The following HEATR4 variants were observed in gnomAD, a reference collection of about 807,000 sequenced individuals.
HEATR4 encodes the protein HEAT repeat-containing protein 4.
HEATR4 carries 95 observed loss-of-function variants against 108.8 expected under a neutral mutation model. The observed-to-expected ratio is 0.87, with a 90% CI of 0.74 to 1.04. The LOEUF is 1.04. HEATR4 is among the 50% of genes least tolerant of loss of function. The pLI, the probability that HEATR4 is intolerant of heterozygous loss-of-function variation, is 0.00. For missense variants in HEATR4, 1,152 were observed against 1,253.8 expected, an observed-to-expected ratio of 0.92 and a Z score of 1.23; for synonymous variants, 443 against 459.4, an observed-to-expected ratio of 0.96 and a Z score of 0.46.
chr14:73,529,818 A>G (rs1409530774), intron 2 of HEATR4, among the ~76,000 whole-genome samples: 1 of 151,538 alleles, frequency 6.6e-6, no homozygotes, highest in African/African-American at 2.4e-5. Flanking sequence ...CTAAAAAGCA[A>G]TAAGCCTTAG....
the HEATR4 span, among the ~76,000 whole-genome samples, chr14:73,589,573 C>T: frequency 6.6e-6 from 1 of 152,158 alleles, no homozygotes; most frequent in African/African-American, 2.4e-5. Context: ...CCCAACTCGG[C>T]CTCCCACAGC....
At chr14:73,481,644 A>G (rs1470503842) in intron 17 of HEATR4, among the ~76,000 whole-genome samples, 1 of 151,782 alleles carries the variant, frequency 6.6e-6, no homozygotes, top group African/African-American at 2.4e-5. Flanking sequence ...GATCGAGACC[A>G]TCCTGGCTAA....
chr14:73,485,371 C>G (rs1297461833), intron 17 of HEATR4, among the ~76,000 whole-genome samples: 2 of 150,558 alleles, frequency 1.3e-5, no homozygotes, highest in African/African-American at 4.9e-5. Context: ...CAACAACCAT[C>G]TATGTGTAAA....
At chr14:73,628,676 C>T in the HEATR4 span, among the ~76,000 whole-genome samples, 1 of 151,654 alleles carries the variant, frequency 6.6e-6, no homozygotes, top group South Asian at 2.1e-4. Context: ...TCACTTGAAC[C>T]CGGGAGGTGG....
At chr14:73,590,053 C>T in the HEATR4 span, among the ~76,000 whole-genome samples, 3 of 152,128 alleles carry the variant, frequency 2.0e-5, no homozygotes, top group African/African-American at 7.2e-5. Context: ...ACCTTTATTA[C>T]AAAACTAAAT....
At chr14:73,542,913 C>G in intron 1 of HEATR4, 1 of 939,578 alleles carries the variant, frequency 1.1e-6, no homozygotes, top group South Asian at 1.8e-5. Flanking sequence ...AGGTAAATTC[C>G]CAAAGCTGCA....
the HEATR4 span, among the ~76,000 whole-genome samples, chr14:73,578,308 C>T: frequency 6.7e-6 from 1 of 148,934 alleles, no homozygotes; most frequent in Non-Finnish European, 1.5e-5. Flanking sequence ...CGGCTCACTA[C>T]AGTCTTGATC....
chr14:73,620,660 C>T, the HEATR4 span, among the ~76,000 whole-genome samples: 12 of 152,006 alleles, frequency 7.9e-5, no homozygotes, highest in Non-Finnish European at 1.8e-4. Context: ...CTCCGCCTCC[C>T]AGGTTCAAGC....
the HEATR4 span, chr14:73,593,869 G>A: frequency 1.7e-5 from 28 of 1,613,524 alleles, no homozygotes; most frequent in African/African-American, 5.3e-5. Context: ...GGAGTACTTC[G>A]AAGAAGCCGT....
chr14:73,506,384 A>AT, intron 10 of HEATR4, 83 bp downstream of exon 10: 1 of 906,764 alleles, frequency 1.1e-6, no homozygotes, highest in Non-Finnish European at 1.8e-6. Flanking sequence ...GAATGGAATA[A>AT]TACATAGCAG....
intron 17 of HEATR4, among the ~76,000 whole-genome samples, chr14:73,489,234 CT>C (rs772195698): frequency 2.0e-5 from 3 of 152,200 alleles, no homozygotes; most frequent in Admixed American, 1.3e-4. Flanking sequence ...CCCTAGCCCC[CT>C]ATATGACATT....
chr14:73,553,025 C>T (rs1889346264), intron 1 of HEATR4, among the ~76,000 whole-genome samples: 1 of 115,080 alleles, frequency 8.7e-6, no homozygotes, highest in Non-Finnish European at 1.9e-5. Context: ...GGCCTGGCCA[C>T]CTTGTCTCGC....
At chr14:73,564,950 C>CT in the HEATR4 span, among the ~76,000 whole-genome samples, 1 of 151,836 alleles carries the variant, frequency 6.6e-6, no homozygotes, top group Non-Finnish European at 1.5e-5. Context: ...CTCTAACCTG[C>CT]TTTTTTCATC....
Position 73,553,508 on chromosome 14 carries a change from C to T in HEATR4, c.-152+5243G>A. 1.8e-5 allele frequency among the ~76,000 whole-genome samples: 2 copies of T among 113,010 alleles called. 1 individual carries two copies. The allele number at this position is 113,010 out of a possible 152,430, so 74.1% of individuals were successfully genotyped here. A position where few individuals can be genotyped will look rare whatever the true frequency, so the allele number is the denominator to read the frequency against. ...CCTAGGCAACTGAACAGGACTAGAT[C>T]TCCAAAAAAAATTAAAATAAAAAAG... On this transcript the variant is annotated intron_variant, in intron 1 of 17. Coordinates refer to ENST00000553558, the MANE Select transcript of HEATR4 (RefSeq NM_001220484.1).
chr14:73,571,493 G>A, the HEATR4 span: 1 of 152,154 alleles, frequency 6.6e-6, no homozygotes, highest in African/African-American at 2.4e-5. Flanking sequence ...CTAGGGAAAA[G>A]CCTGGGCTTC....
At position 73,522,713 on chromosome 14, in the gene HEATR4, T is replaced by G. The variant is rs753869255; in HGVS notation, c.440A>C (p.Lys147Thr). 38 of 1,614,128 alleles carry G rather than the reference T, an allele frequency of 2.4e-5. No individual in the cohort carries two copies. The highest frequency in any genetic ancestry group is 1.6e-5 in the Non-Finnish European group (19 of 1,180,044). Residue 147 changes from lysine to threonine, a missense_variant, in exon 3 of 18, where the codon AAG (lysine) becomes ACG (threonine). Transcript: ENST00000553558. ...GCTGGCTGGCTTTGATTTCTTCAGCTTCTTTTCGGGATTGGCAGAGCTTTC... is the reference window on the plus strand; with the variant it reads ...GCTGGCTGGCTTTGATTTCTTCAGCGTCTTTTCGGGATTGGCAGAGCTTTC... Reference protein sequence around the residue: ...KTESSANPEKKLKKSKPASTV... With the variant: ...KTESSANPEKTLKKSKPASTV...
intron 10 of HEATR4, among the ~76,000 whole-genome samples, chr14:73,504,432 C>T (rs1346485816): frequency 1.3e-5 from 2 of 152,028 alleles, no homozygotes; most frequent in African/African-American, 4.8e-5. Context: ...TTAGTAGAGA[C>T]AGGGTTTCAC....
At chr14:73,586,578 C>G in the HEATR4 span, among the ~76,000 whole-genome samples, 1 of 151,764 alleles carries the variant, frequency 6.6e-6, no homozygotes, top group East Asian at 1.9e-4. Flanking sequence ...TGGTGGCATG[C>G]ACCTGTAGTT....
chr14:73,570,377 GACTA>G, the HEATR4 span, among the ~76,000 whole-genome samples: 4 of 151,684 alleles, frequency 2.6e-5, no homozygotes, highest in Non-Finnish European at 5.9e-5. Context: ...AGGCCATCCT[GACTA>G]ACACGGTGAA....
Sources: gnomAD v4.1 joint callset for allele counts (sites outside exome capture counted in the v4.1 genomes callset) on GRCh38, gnomAD v4.1.1 for gene constraint, MANE v1.5 for transcripts, NCBI Gene and HGNC (gene_info 2026-07-23, HGNC 2026-07-21) for gene names.